SEMA3E: variants seen among roughly 807,000 people sequenced by gnomAD.
The protein encoded by SEMA3E is semaphorin-3E.
In SEMA3E, 49 loss-of-function variants were observed where a neutral mutation model predicts 93.6. The observed-to-expected ratio is 0.52, with a 90% confidence interval of 0.42 to 0.66. SEMA3E has a LOEUF of 0.66. Among genes scored for constraint, SEMA3E ranks in the 30% least tolerant of loss-of-function variants. The pLI is 0.00. For missense variants in SEMA3E, 906 were observed against 964.8 expected, an observed-to-expected ratio of 0.94 and a Z score of 0.81; for synonymous variants, 363 against 330.7, an observed-to-expected ratio of 1.10 and a Z score of -1.06.
rs1562866013 is a variant in SEMA3E at position 83,639,128 on chromosome 7, A to ACAAAC, written c.115+9299_115+9300insGTTTG. Among the ~76,000 whole-genome samples the ACAAAC allele has an allele frequency of 5.2e-3, 734 of 141,436 alleles. 15 individuals are homozygous for ACAAAC. Among genetic ancestry groups the ACAAAC allele is most frequent in the African/African-American group, 0.018 (699 of 38,378 alleles). 92.8% of individuals were successfully genotyped at this position (141,436 alleles called of 152,430 possible). A position where few individuals can be genotyped will look rare whatever the true frequency, so the allele number is the denominator to read the frequency against. ...TCCGTCTCAAAAAAAAAAAAAAAAA[A>ACAAAC]AAAAAAAAAAAACAGAGATTCCTGA... On this transcript the variant is annotated intron_variant, in intron 1 of 16. Coordinates refer to ENST00000643230, the MANE Select transcript of SEMA3E (RefSeq NM_012431.3).
chr7:83,550,044 T>C (rs1791729533), intron 1 of SEMA3E, among the ~76,000 whole-genome samples: 1 of 150,738 alleles, frequency 6.6e-6, no homozygotes, highest in South Asian at 2.1e-4. Flanking sequence ...ACCACAGTTT[T>C]ATTTACGCCA....
chr7:83,488,138 A>C (rs1350717099), intron 2 of SEMA3E, among the ~76,000 whole-genome samples: 1 of 152,070 alleles, frequency 6.6e-6, no homozygotes, highest in Non-Finnish European at 1.5e-5. Context: ...TGTGGATGAA[A>C]TCAGAAGTGT....
At chr7:83,446,807 T>C (rs1789240438) in intron 4 of SEMA3E, among the ~76,000 whole-genome samples, 1 of 152,182 alleles carries the variant, frequency 6.6e-6, no homozygotes. Flanking sequence ...ATTTCTTCCT[T>C]TTTTCATTTG....
intron 4 of SEMA3E, among the ~76,000 whole-genome samples, chr7:83,437,036 G>A (rs901837563): frequency 6.6e-6 from 1 of 152,072 alleles, no homozygotes; most frequent in East Asian, 1.9e-4. Flanking sequence ...GTCAGATCTC[G>A]TGAGACTTAC....
At chr7:83,386,691 T>C (rs1455914229) in intron 15 of SEMA3E, among the ~76,000 whole-genome samples, 3 of 152,178 alleles carry the variant, frequency 2.0e-5, no homozygotes, top group Non-Finnish European at 4.4e-5. Context: ...TAAGAGTCAC[T>C]GTGGCATCAA....
At chr7:83,595,326 T>TA (rs918933991) in intron 1 of SEMA3E, among the ~76,000 whole-genome samples, 2 of 152,114 alleles carry the variant, frequency 1.3e-5, no homozygotes, top group African/African-American at 4.8e-5. Context: ...CATTTCTTTT[T>TA]ACTTTATTTT....
intron 1 of SEMA3E, among the ~76,000 whole-genome samples, chr7:83,624,016 T>C (rs913407600): frequency 2.0e-5 from 3 of 152,080 alleles, no homozygotes; most frequent in Non-Finnish European, 4.4e-5. Flanking sequence ...AGAATGATAG[T>C]TTCTAGCTTC....
chr7:83,471,344 G>T (rs1789890257), intron 2 of SEMA3E, among the ~76,000 whole-genome samples: 2 of 144,618 alleles, frequency 1.4e-5, no homozygotes, highest in Admixed American at 1.4e-4. Flanking sequence ...GTTGAAATCT[G>T]CACTAGTATA....
chr7:83,447,407 G>A (rs948478237), intron 4 of SEMA3E, among the ~76,000 whole-genome samples: 10 of 151,952 alleles, frequency 6.6e-5, no homozygotes, highest in South Asian at 2.1e-4. Context: ...GCATGGTGGC[G>A]GGCGCCTGTA....
At chr7:83,503,621 AC>A (rs1790639647) in intron 1 of SEMA3E, among the ~76,000 whole-genome samples, 2 of 152,194 alleles carry the variant, frequency 1.3e-5, no homozygotes, top group Non-Finnish European at 1.5e-5. Context: ...GGTATAGCCT[AC>A]TGCAAACCTA....
chr7:83,638,294 T>G (rs1341487706), intron 1 of SEMA3E, among the ~76,000 whole-genome samples: 1 of 152,208 alleles, frequency 6.6e-6, no homozygotes, highest in Middle Eastern at 3.2e-3. Context: ...TATAGCAACA[T>G]CAGAGCAGAT....
intron 1 of SEMA3E, among the ~76,000 whole-genome samples, chr7:83,597,860 G>T (rs919634358): frequency 1.3e-5 from 2 of 151,944 alleles, no homozygotes; most frequent in African/African-American, 4.8e-5. Flanking sequence ...TCATACTCTT[G>T]TATAAAGAGA....
At chr7:83,462,305 G>C (rs959076776) in intron 4 of SEMA3E, 2 of 152,076 alleles carry the variant, frequency 1.3e-5, no homozygotes, top group African/African-American at 2.4e-5. Flanking sequence ...AACTGTTGTG[G>C]GTATTGACAG....
chr7:83,619,485 A>G (rs143958404), intron 1 of SEMA3E, among the ~76,000 whole-genome samples: 101 of 151,986 alleles, frequency 6.6e-4, no homozygotes, highest in Middle Eastern at 3.4e-3. Context: ...ACAACAACCT[A>G]TTATTAACAC....
At chr7:83,385,569 A>C in intron 15 of SEMA3E, 136 bp from the exon 16 acceptor site, 1 of 1,012,532 alleles carries the variant, frequency 9.9e-7, no homozygotes, top group South Asian at 1.4e-5. Context: ...GGTAATTTAA[A>C]GGAATTATTT....
At chr7:83,610,550 G>A (rs1793230747) in intron 1 of SEMA3E, among the ~76,000 whole-genome samples, 1 of 151,948 alleles carries the variant, frequency 6.6e-6, no homozygotes, top group African/African-American at 2.4e-5. Context: ...GCCCATTCTA[G>A]AAAATATGAT....
At chr7:83,638,955 C>T (rs1178528279) in intron 1 of SEMA3E, among the ~76,000 whole-genome samples, 2 of 150,404 alleles carry the variant, frequency 1.3e-5, no homozygotes, top group African/African-American at 4.9e-5. Context: ...ACTAAAAATA[C>T]AAAAAATTAG....
At chr7:83,603,564 A>G (rs898408441) in intron 1 of SEMA3E, among the ~76,000 whole-genome samples, 7 of 152,294 alleles carry the variant, frequency 4.6e-5, no homozygotes, top group Middle Eastern at 3.4e-3. Flanking sequence ...GCTACTGTAA[A>G]CATTTTATTA....
Position 83,417,740 on chromosome 7 carries a change from G to A in SEMA3E, c.550+650C>T, listed in dbSNP as rs949145089. Among the ~76,000 whole-genome samples, 4 of 152,180 alleles carry A rather than the reference G, an allele frequency of 2.6e-5. No homozygotes were observed. In the East Asian group the frequency reaches 7.7e-4, roughly 29 times the overall value. ...TTGCAATTTTTAACCCCAAATTGCA[G>A]GAAAATATTACTTAGTTGTGTCTTA... On this transcript the variant is annotated intron_variant, in intron 5 of 16. Transcript: ENST00000643230.
Sources: allele counts gnomAD v4.1 joint callset (sites outside exome capture counted in the v4.1 genomes callset), GRCh38; gene constraint gnomAD v4.1.1; transcripts MANE v1.5; gene names NCBI Gene and HGNC (gene_info 2026-07-23, HGNC 2026-07-21).